Variants in DYNC1I1 observed in about 807,000 individuals in gnomAD.
DYNC1I1 encodes dynein cytoplasmic 1 intermediate chain 1, also known as cytoplasmic dynein 1 intermediate chain 1.
Under a neutral mutation model 86.6 loss-of-function variants are expected in DYNC1I1, and 43 were observed. That is an observed-to-expected ratio of 0.50 (90% CI 0.39 to 0.64). The LOEUF (loss-of-function observed/expected upper bound fraction) is 0.64. DYNC1I1 is among the 30% of genes least tolerant of loss of function. DYNC1I1 has a pLI of 0.00. For missense variants in DYNC1I1, 604 were observed against 788.8 expected, an observed-to-expected ratio of 0.77 and a Z score of 2.81; for synonymous variants, 262 against 283.7, an observed-to-expected ratio of 0.92 and a Z score of 0.77.
chr7:96,069,897 A>G (rs1361584606), intron 14 of DYNC1I1, among the ~76,000 whole-genome samples: 1 of 152,190 alleles, frequency 6.6e-6, no homozygotes, highest in African/African-American at 2.4e-5. Context: ...TAAATTCCTG[A>G]ACTTCTATAA....
At chr7:95,941,214 G>C (rs1269022775) in intron 6 of DYNC1I1, among the ~76,000 whole-genome samples, 4 of 152,012 alleles carry the variant, frequency 2.6e-5, no homozygotes, top group Admixed American at 1.3e-4. Flanking sequence ...CCCTACTGGG[G>C]GGTGCCTCCC....
chr7:95,793,244 G>A (rs1164084325), intron 1 of DYNC1I1, among the ~76,000 whole-genome samples: 1 of 152,140 alleles, frequency 6.6e-6, no homozygotes, highest in Non-Finnish European at 1.5e-5. Context: ...GTAAATATTA[G>A]GTGGTCAAAT....
Position 95,862,404 on chromosome 7 carries a change from G to A in DYNC1I1, c.375-7479G>A, listed in dbSNP as rs184914034. ...TTAAAATGGACAAAAATTCAAATAG[G>A]CATGTTCTCCAAAGAAGATATACAA... is the stretch of plus-strand genomic sequence containing the variant. On this transcript the variant is annotated intron_variant, in intron 5 of 16. Transcript: ENST00000447467. Among the ~76,000 whole-genome samples, 62 of 150,594 alleles carry A rather than the reference G, an allele frequency of 4.1e-4. No individual in the cohort carries two copies. In the East Asian group the frequency reaches 0.012, roughly 28 times the overall value.
rs551439901 is a variant in DYNC1I1 at position 95,838,656 on chromosome 7, G to T, written c.374+10540G>T. Among the ~76,000 whole-genome samples, 14 of 152,090 alleles carry T rather than the reference G, an allele frequency of 9.2e-5. No individual in the cohort carries two copies. In the East Asian group the frequency reaches 2.7e-3, roughly 29 times the overall value. ...ATGGACATTTTAATAATATTGTTTT[G>T]TGTAATCCATGAACATACAATGTCT... On this transcript the variant is annotated intron_variant, in intron 5 of 16. Transcript: ENST00000447467.
intron 14 of DYNC1I1, among the ~76,000 whole-genome samples, chr7:96,053,793 A>G (rs904172854): frequency 2.0e-5 from 3 of 152,108 alleles, no homozygotes; most frequent in African/African-American, 7.2e-5. Flanking sequence ...CCCGTGTCTC[A>G]CATATGTTAG....
chr7:96,063,776 AG>A (rs1432019792), intron 14 of DYNC1I1, among the ~76,000 whole-genome samples: 1 of 152,250 alleles, frequency 6.6e-6, no homozygotes, highest in African/African-American at 2.4e-5. Flanking sequence ...ATGGAGAGAG[AG>A]GGTGATAATT....
At chr7:96,105,792 G>A (rs1246071457) in intron 16 of DYNC1I1, among the ~76,000 whole-genome samples, 1 of 152,084 alleles carries the variant, frequency 6.6e-6, no homozygotes, top group South Asian at 2.1e-4. Context: ...TTGTAGAAAC[G>A]TTTTTGGTAA....
intron 14 of DYNC1I1, among the ~76,000 whole-genome samples, chr7:96,075,057 A>G (rs1790289350): frequency 6.6e-6 from 1 of 152,246 alleles, no homozygotes; most frequent in African/African-American, 2.4e-5. Context: ...ACATTAATTG[A>G]TCAGGGATTA....
intron 6 of DYNC1I1, among the ~76,000 whole-genome samples, chr7:95,944,840 C>A (rs569390226): frequency 3.5e-4 from 45 of 130,164 alleles, no homozygotes; most frequent in African/African-American, 1.1e-3. Flanking sequence ...ACATGGACAC[C>A]GGAAGGGGAA....
chr7:95,838,879 TATAA>T (rs1789194703), intron 5 of DYNC1I1, among the ~76,000 whole-genome samples: 1 of 152,224 alleles, frequency 6.6e-6, no homozygotes, highest in African/African-American at 2.4e-5. Context: ...TTGTGGAGTC[TATAA>T]AGTTTCCTAC....
intron 10 of DYNC1I1, among the ~76,000 whole-genome samples, chr7:96,025,308 AACATATATGTCATGTAAT>A (rs1249850696): frequency 2.1e-4 from 32 of 152,098 alleles, no homozygotes; most frequent in Admixed American, 9.2e-4. Flanking sequence ...TATTTATTTT[AACATATATGTCATGTAAT>A]ACATATATGT....
intron 16 of DYNC1I1, among the ~76,000 whole-genome samples, chr7:96,094,685 T>C (rs1008929275): frequency 2.6e-5 from 4 of 152,230 alleles, no homozygotes; most frequent in Admixed American, 2.0e-4. Context: ...TGGTGATATT[T>C]AATTCTAAAA....
chr7:95,827,597 G>T (rs1795228644), intron 4 of DYNC1I1, among the ~76,000 whole-genome samples: 1 of 152,142 alleles, frequency 6.6e-6, no homozygotes, highest in Non-Finnish European at 1.5e-5. Context: ...AAGGAAGGCA[G>T]TTATTCACCA....
intron 14 of DYNC1I1, among the ~76,000 whole-genome samples, chr7:96,056,977 A>G (rs1466444780): frequency 6.6e-6 from 1 of 152,138 alleles, no homozygotes; most frequent in Non-Finnish European, 1.5e-5. Context: ...TTTCTTAATC[A>G]TTTCAAACAC....
intron 2 of DYNC1I1, among the ~76,000 whole-genome samples, chr7:95,805,289 C>T (rs1794677204): frequency 6.6e-6 from 1 of 151,896 alleles, no homozygotes; most frequent in African/African-American, 2.4e-5. Flanking sequence ...AAAAATCTAC[C>T]AGCAGGAACA....
chr7:96,098,178 C>T lies in DYNC1I1; in HGVS notation c.*585C>T. On this transcript the variant is annotated 3_prime_UTR_variant, in exon 17 of 17. Transcript: ENST00000447467. ...TAATGAGAGGACTGTATTCTCTCTG[C>T]TGCTGTTGAGGTTATATTAAGTTCC... 1 of 985,876 alleles carries T rather than the reference C, an allele frequency of 1.0e-6. No homozygotes were observed. The highest frequency in any genetic ancestry group is 1.2e-6 in the Non-Finnish European group (1 of 829,952). The allele number at this position is 985,876 out of a possible 1,614,324, so 61.1% of individuals were successfully genotyped here.
chr7:95,836,344 G>A (rs1487083211), intron 5 of DYNC1I1, among the ~76,000 whole-genome samples: 1 of 152,064 alleles, frequency 6.6e-6, no homozygotes, highest in African/African-American at 2.4e-5. Context: ...TCCGCTGTTA[G>A]TCTGATGGGC....
intron 7 of DYNC1I1, among the ~76,000 whole-genome samples, chr7:95,980,678 G>C (rs1347941945): frequency 6.6e-6 from 1 of 150,492 alleles, no homozygotes; most frequent in East Asian, 2.0e-4. Context: ...CTAAAGAAAT[G>C]CAGTCTTGAT....
chr7:95,797,878 A>C (rs1794479602), intron 1 of DYNC1I1, among the ~76,000 whole-genome samples: 1 of 152,222 alleles, frequency 6.6e-6, no homozygotes, highest in Non-Finnish European at 1.5e-5. Context: ...ATAAGAAAGC[A>C]TTTGACTTCT....
Sources: gnomAD v4.1 joint callset for allele counts (sites outside exome capture counted in the v4.1 genomes callset) on GRCh38, gnomAD v4.1.1 for gene constraint, MANE v1.5 for transcripts, NCBI Gene and HGNC (gene_info 2026-07-23, HGNC 2026-07-21) for gene names.